The following ATP11A variants were observed in gnomAD, a reference collection of about 807,000 sequenced individuals.
ATP11A encodes phospholipid-transporting ATPase IH.
A neutral mutation model predicts 154.4 loss-of-function variants in ATP11A; 81 were observed. The observed-to-expected ratio is 0.52, with a 90% confidence interval of 0.44 to 0.63. The LOEUF (loss-of-function observed/expected upper bound fraction) is 0.63. Ranked by LOEUF, ATP11A falls within the 30% of genes least tolerant of loss-of-function variation. The pLI is 0.00. For missense variants in ATP11A, 1,316 were observed against 1,474.3 expected, an observed-to-expected ratio of 0.89 and a Z score of 1.76; for synonymous variants, 623 against 585.9, an observed-to-expected ratio of 1.06 and a Z score of -0.91.
Position 112,860,362 on chromosome 13 carries a change from A to C in ATP11A, c.2803A>C (p.Met935Leu). The C allele has an allele frequency of 6.2e-7, 1 of 1,614,078 alleles. No homozygotes were observed. Among genetic ancestry groups the C allele is most frequent in the Non-Finnish European group, 8.5e-7 (1 of 1,180,000 alleles). Residue 935 changes from methionine (M) to leucine (L), a missense_variant, in exon 24 of 30, where the codon ATG becomes CTG. Physicochemically the swap from Met to Leu is conservative, Grantham distance 15. This residue lies in a region of ATP11A where 294 missense variants were observed against 290.2 expected (regional missense o/e 1.01). Coordinates refer to ENST00000375645, the MANE Select transcript of ATP11A (RefSeq NM_015205.3). ...TSLPILLYSLMEQHVGIDVLK... is the reference protein window; with the variant it reads ...TSLPILLYSLLEQHVGIDVLK... ...CCTCCCCATCCTCCTGTACAGCCTC[A>C]TGGAGCAGCATGTTGGCATTGACGT... is the stretch of plus-strand genomic sequence containing the variant.
chr13:112,720,300 C>T (rs1248051509), intron 1 of ATP11A, among the ~76,000 whole-genome samples: 1 of 152,240 alleles, frequency 6.6e-6, no homozygotes, highest in African/African-American at 2.4e-5. Flanking sequence ...ACGGGTGTCA[C>T]AGGCCATAGG....
At chr13:112,778,674 C>CGCTGG (rs2077409763) in intron 1 of ATP11A, among the ~76,000 whole-genome samples, 3 of 64,254 alleles carry the variant, frequency 4.7e-5, no homozygotes, top group African/African-American at 1.6e-4. Context: ...GAGGAGTAGC[C>CGCTGG]ACTGGAGTGA....
chr13:112,744,884 A>G (rs1891955555), intron 1 of ATP11A, among the ~76,000 whole-genome samples: 1 of 152,220 alleles, frequency 6.6e-6, no homozygotes, highest in African/African-American at 2.4e-5. Context: ...AATGAAAATA[A>G]CAGGGATGTC....
chr13:112,828,939 TC>T (rs1486034754), intron 12 of ATP11A, among the ~76,000 whole-genome samples: 1 of 152,230 alleles, frequency 6.6e-6, no homozygotes, highest in Non-Finnish European at 1.5e-5. Flanking sequence ...AGCGTCTGTG[TC>T]CACAACAGAA....
chr13:112,823,594 C>T (rs2078857380), intron 9 of ATP11A, among the ~76,000 whole-genome samples, 185 bp downstream of exon 9: 1 of 152,220 alleles, frequency 6.6e-6, no homozygotes, highest in African/African-American at 2.4e-5. Flanking sequence ...GAAGCAGCAG[C>T]ATCAGAGAAT....
Position 112,872,860 on chromosome 13 carries a change from C to G in ATP11A, c.3058-713C>G, listed in dbSNP as rs9549581. ...TGAGGTGTGGCTTTGTCTTCCTGAG[C>G]AGTGTGAGCTGTGGCTTTGTCTCCC... On this transcript the variant is annotated intron_variant, in intron 26 of 29. Transcript: ENST00000375645. Among the ~76,000 whole-genome samples the G allele has an allele frequency of 1.3e-5, 2 of 149,830 alleles. 1 individual carries two copies. Among genetic ancestry groups the G allele is most frequent in the Admixed American group, 1.3e-4 (2 of 15,172 alleles).
intron 1 of ATP11A, among the ~76,000 whole-genome samples, chr13:112,748,240 T>C (rs1892400450): frequency 6.6e-6 from 1 of 152,240 alleles, no homozygotes; most frequent in East Asian, 1.9e-4. Flanking sequence ...CCTGTATTTA[T>C]AGACAGAAGC....
rs562914035 is a variant in ATP11A at position 112,785,826 on chromosome 13, G to A, written c.162+569G>A. On this transcript the variant is annotated intron_variant, in intron 2 of 29. Coordinates refer to ENST00000375645, the MANE Select transcript of ATP11A (RefSeq NM_015205.3). This position sits in a 1 kb window ranked among gnomAD's most constrained non-coding sequence, Gnocchi z 4.8. The stretch of plus-strand genomic sequence containing the variant: ...GTGGAAGTGCACACACATTTCCCAC[G>A]TTCAGAGAGTGACCTGGAAACAGGT... 5.9e-5 allele frequency among the ~76,000 whole-genome samples: 9 copies of A among 152,362 alleles called. No homozygotes were observed. The highest frequency in any genetic ancestry group is 2.2e-4 in the African/African-American group (9 of 41,594).
rs1349701622 is a variant in ATP11A at position 112,856,064 on chromosome 13, G to A, written c.2397G>A (p.Met799Ile). 2 of 1,613,300 alleles carry A rather than the reference G, an allele frequency of 1.2e-6. No individual in the cohort carries two copies. The highest frequency in any genetic ancestry group is 1.7e-6 in the Non-Finnish European group (2 of 1,179,802). ...GCAGCGCGGTGCTCTGCTGCCGCAT[G>A]GCGCCCTTGCAGAAGGCTCAGGTGC... Reference protein sequence around the residue: ...RSCSAVLCCRMAPLQKAQIVK... With the variant: ...RSCSAVLCCRIAPLQKAQIVK... The change falls in exon 20 of 30, where the codon ATG (methionine) becomes ATA (isoleucine). Residue 799 changes from methionine to isoleucine, a missense_variant. Met to Ile is a conservative substitution (Grantham distance 10). Coordinates refer to ENST00000375645, the MANE Select transcript of ATP11A (RefSeq NM_015205.3).
chr13:112,691,795 C>A (rs1033441689), intron 1 of ATP11A, among the ~76,000 whole-genome samples: 1 of 151,980 alleles, frequency 6.6e-6, no homozygotes, highest in Non-Finnish European at 1.5e-5. Flanking sequence ...AATGCTTTCC[C>A]CCGGATTTAT....
At chr13:112,722,396 G>A (rs779687628) in intron 1 of ATP11A, among the ~76,000 whole-genome samples, 13 of 152,162 alleles carry the variant, frequency 8.5e-5, no homozygotes, top group Non-Finnish European at 1.5e-4. Flanking sequence ...AGACTTATCA[G>A]TAGAAAGGAA....
intron 17 of ATP11A, among the ~76,000 whole-genome samples, chr13:112,846,861 C>T (rs1267496849): frequency 2.6e-5 from 4 of 152,216 alleles, no homozygotes; most frequent in South Asian, 2.1e-4. Flanking sequence ...GTGCCTGCCC[C>T]GGGTGGTGCT....
chr13:112,801,494 A>G (rs1336072223), intron 2 of ATP11A, among the ~76,000 whole-genome samples: 1 of 152,262 alleles, frequency 6.6e-6, no homozygotes, highest in Non-Finnish European at 1.5e-5. Context: ...GAAGGAAGGA[A>G]TAAGACTATC....
chr13:112,769,607 C>T (rs1176205909), intron 1 of ATP11A, among the ~76,000 whole-genome samples: 2 of 152,246 alleles, frequency 1.3e-5, no homozygotes, highest in Non-Finnish European at 2.9e-5. Context: ...ACCTCGACAC[C>T]ACCCTGGTTT....
intron 1 of ATP11A, among the ~76,000 whole-genome samples, chr13:112,711,137 G>A (rs1359095954): frequency 2.0e-5 from 3 of 152,338 alleles, no homozygotes; most frequent in Admixed American, 1.3e-4. Flanking sequence ...ACTTTACCAC[G>A]AGGCAGCTGG....
chr13:112,729,587 G>A (rs1890272715), intron 1 of ATP11A, among the ~76,000 whole-genome samples: 1 of 151,584 alleles, frequency 6.6e-6, no homozygotes, highest in Non-Finnish European at 1.5e-5. Flanking sequence ...AATGTTGGAA[G>A]GCACTGAGGC....
At chr13:112,695,555 G>A (rs1885709810) in intron 1 of ATP11A, among the ~76,000 whole-genome samples, 1 of 152,192 alleles carries the variant, frequency 6.6e-6, no homozygotes, top group Non-Finnish European at 1.5e-5. Context: ...TCTTGCCAGG[G>A]AGTGAATTTA....
At chr13:112,846,667 G>T (rs1208868686) in intron 17 of ATP11A, among the ~76,000 whole-genome samples, 1 of 152,220 alleles carries the variant, frequency 6.6e-6, no homozygotes. Context: ...CTCGTTTGGG[G>T]CAGGGACGGT....
intron 25 of ATP11A, among the ~76,000 whole-genome samples, chr13:112,871,490 G>C (rs573902042): frequency 6.6e-6 from 1 of 152,304 alleles, no homozygotes; most frequent in South Asian, 2.1e-4. Flanking sequence ...CAGGCTCTGA[G>C]CCCATCACCA....
Sources: gnomAD v4.1 joint callset for allele counts (sites outside exome capture counted in the v4.1 genomes callset) on GRCh38, gnomAD v4.1.1 for gene constraint, gnomAD v4.1.1 regional missense constraint, Gnocchi (gnomAD v3.1) non-coding constraint, MANE v1.5 for transcripts, NCBI Gene and HGNC (gene_info 2026-07-23, HGNC 2026-07-21) for gene names.